The following MEGF11 variants were observed in gnomAD, a reference collection of about 807,000 sequenced individuals.
MEGF11 encodes multiple epidermal growth factor-like domains protein 11.
In MEGF11, 126 loss-of-function variants were observed where a neutral mutation model predicts 146.6. The observed-to-expected ratio is 0.86, with a 90% confidence interval of 0.74 to 1.00. MEGF11 has a LOEUF of 1.00. MEGF11 is among the 50% of genes least tolerant of loss of function. The pLI, the probability that MEGF11 is intolerant of heterozygous loss-of-function variation, is 0.00. For synonymous variants in MEGF11, 532 were observed against 583.4 expected, an observed-to-expected ratio of 0.91 and a Z score of 1.27; for missense variants, 1,509 against 1,521.2, an observed-to-expected ratio of 0.99 and a Z score of 0.13.
intron 5 of MEGF11, among the ~76,000 whole-genome samples, chr15:66,069,905 G>C (rs541904745): frequency 1.6e-4 from 24 of 152,190 alleles, no homozygotes; most frequent in Non-Finnish European, 3.1e-4. Context: ...GAAATGAATA[G>C]GGATGGCTGT....
intron 1 of MEGF11, among the ~76,000 whole-genome samples, chr15:66,208,696 A>G (rs754344126): frequency 6.6e-5 from 10 of 152,132 alleles, no homozygotes; most frequent in Non-Finnish European, 1.3e-4. Flanking sequence ...AGCCTGGCCA[A>G]CATGGCGAAA....
intron 5 of MEGF11, among the ~76,000 whole-genome samples, chr15:66,081,945 C>T (rs578148663): frequency 7.9e-5 from 12 of 152,270 alleles, no homozygotes; most frequent in East Asian, 3.9e-4. Flanking sequence ...ATGAGGGACA[C>T]GACCCCCTTC....
At chr15:65,908,815 A>G (rs1344864689) in intron 23 of MEGF11, among the ~76,000 whole-genome samples, 1 of 152,154 alleles carries the variant, frequency 6.6e-6, no homozygotes, top group Non-Finnish European at 1.5e-5. Context: ...GTTCACATCC[A>G]CCGTTCACTA....
intron 8 of MEGF11, among the ~76,000 whole-genome samples, chr15:65,969,436 C>T (rs2081228657): frequency 6.6e-6 from 1 of 152,172 alleles, no homozygotes; most frequent in Non-Finnish European, 1.5e-5. Flanking sequence ...GATGGATCCC[C>T]AGATGCCACA....
chr15:66,227,605 G>A (rs550913757), intron 1 of MEGF11, among the ~76,000 whole-genome samples: 1 of 152,278 alleles, frequency 6.6e-6, no homozygotes, highest in African/African-American at 2.4e-5. Context: ...CCTGGGGCAG[G>A]ACCCCCATTG....
At chr15:65,958,412 G>T (rs986202963) in intron 9 of MEGF11, among the ~76,000 whole-genome samples, 8 of 152,238 alleles carry the variant, frequency 5.3e-5, no homozygotes, top group African/African-American at 1.9e-4. Flanking sequence ...CTAGCTGGCA[G>T]CCATCTGATC....
chr15:66,176,332 A>G (rs2090387980), intron 1 of MEGF11, among the ~76,000 whole-genome samples: 1 of 152,188 alleles, frequency 6.6e-6, no homozygotes. Flanking sequence ...AAAGGAAATC[A>G]GTATGTTGAA....
chr15:66,193,291 T>C (rs1407918049), intron 1 of MEGF11, among the ~76,000 whole-genome samples: 1 of 152,198 alleles, frequency 6.6e-6, no homozygotes, highest in Non-Finnish European at 1.5e-5. Flanking sequence ...TGTGTTCATA[T>C]AGCTGCTCAG....
chr15:65,962,296 T>G (rs2080885894), intron 9 of MEGF11, among the ~76,000 whole-genome samples: 1 of 152,136 alleles, frequency 6.6e-6, no homozygotes, highest in African/African-American at 2.4e-5. Context: ...GAGAGTTCAT[T>G]TAGCCCAGAG....
At chr15:66,052,545 C>T (rs1272099186) in intron 5 of MEGF11, among the ~76,000 whole-genome samples, 1 of 152,240 alleles carries the variant, frequency 6.6e-6, no homozygotes, top group Non-Finnish European at 1.5e-5. Context: ...TTTCCCCTGT[C>T]TATTCCAGGC....
intron 10 of MEGF11, among the ~76,000 whole-genome samples, chr15:65,944,853 T>C (rs1402019977): frequency 6.6e-6 from 1 of 151,480 alleles, no homozygotes; most frequent in East Asian, 1.9e-4. Flanking sequence ...CAGTGTCCTC[T>C]GGTCCATCCG....
At chr15:66,120,475 G>T (rs1156793484) in intron 3 of MEGF11, among the ~76,000 whole-genome samples, 2 of 151,788 alleles carry the variant, frequency 1.3e-5, no homozygotes, top group African/African-American at 2.4e-5. Flanking sequence ...CAGCAGCAGG[G>T]TCTGGTCATC....
At chr15:66,206,966 G>A (rs1333441075) in intron 1 of MEGF11, among the ~76,000 whole-genome samples, 1 of 152,092 alleles carries the variant, frequency 6.6e-6, no homozygotes, top group Non-Finnish European at 1.5e-5. Context: ...GCAGCCAGAA[G>A]AAAGAATCAG....
intron 1 of MEGF11, among the ~76,000 whole-genome samples, chr15:66,169,455 T>TTCTC (rs376611043): frequency 6.6e-6 from 1 of 151,284 alleles, no homozygotes; most frequent in Non-Finnish European, 1.5e-5. Flanking sequence ...CAGAGTCAGT[T>TTCTC]TCTCTCTCTC....
chr15:66,250,437 G>C (rs750093687), intron 1 of MEGF11, among the ~76,000 whole-genome samples: 18 of 152,222 alleles, frequency 1.2e-4, no homozygotes, highest in Non-Finnish European at 2.1e-4. Context: ...ATGGAGGAGA[G>C]AGCCTAGAAT....
At chr15:66,233,746 C>T (rs1473796372) in intron 1 of MEGF11, among the ~76,000 whole-genome samples, 1 of 152,100 alleles carries the variant, frequency 6.6e-6, no homozygotes, top group African/African-American at 2.4e-5. Flanking sequence ...CTTACTCTGA[C>T]CCAATCATGG....
chr15:66,115,978 C>A (rs1250460428), intron 4 of MEGF11, among the ~76,000 whole-genome samples: 1 of 152,196 alleles, frequency 6.6e-6, no homozygotes, highest in African/African-American at 2.4e-5. Flanking sequence ...AGCCGCCCAG[C>A]CTGTGGTACT....
intron 5 of MEGF11, among the ~76,000 whole-genome samples, chr15:66,003,371 G>GTT (rs1190938086): frequency 1.3e-5 from 2 of 152,170 alleles, no homozygotes; most frequent in African/African-American, 4.8e-5. Flanking sequence ...TCCCTGCCAT[G>GTT]TGCCAGTGAG....
chr15:66,008,419 A>G (rs1276123319), intron 5 of MEGF11, among the ~76,000 whole-genome samples: 6 of 98,650 alleles, frequency 6.1e-5, no homozygotes, highest in African/African-American at 2.0e-4. Flanking sequence ...GCGCACACAC[A>G]CACACACACA....
Sources: gnomAD v4.1 joint callset for allele counts (sites outside exome capture counted in the v4.1 genomes callset) on GRCh38, gnomAD v4.1.1 for gene constraint, MANE v1.5 for transcripts, NCBI Gene and HGNC (gene_info 2026-07-23, HGNC 2026-07-21) for gene names.